The following CELA1 variants were observed in gnomAD, a reference collection of about 807,000 sequenced individuals.
CELA1 encodes the protein chymotrypsin-like elastase family member 1.
In CELA1, 28 loss-of-function variants were observed where a neutral mutation model predicts 34.8. The observed-to-expected ratio is 0.80, with a 90% CI of 0.60 to 1.10. The LOEUF is 1.10. CELA1 is among the 50% of genes least tolerant of loss of function. CELA1 has a pLI of 0.00. For missense variants in CELA1, 288 were observed against 327.5 expected, an observed-to-expected ratio of 0.88 and a Z score of 0.93; for synonymous variants, 140 against 129.8, an observed-to-expected ratio of 1.08 and a Z score of -0.53.
chr12:51,340,462 T>C (rs1405343367), intron 5 of CELA1, among the ~76,000 whole-genome samples: 1 of 149,074 alleles, frequency 6.7e-6, no homozygotes, highest in Admixed American at 6.8e-5. Flanking sequence ...CAATCTCGGC[T>C]CACCACAACC....
chr12:51,339,857 C>G lies in CELA1; in HGVS notation c.609+3G>C. Reference sequence around the variant, plus strand: ...TGGGGTGGGACCCCCTGCAAATGTTCACCTGGCATCCAGAGCGAACTCCAT... The same window carrying G: ...TGGGGTGGGACCCCCTGCAAATGTTGACCTGGCATCCAGAGCGAACTCCAT... On this transcript the variant is annotated splice_donor_region_variant and intron_variant, in intron 6 of 7. Transcript: ENST00000293636. 6.2e-7 allele frequency: 1 copy of G among 1,607,184 alleles called. No homozygotes were observed. Among genetic ancestry groups the G allele is most frequent in the Non-Finnish European group, 8.5e-7 (1 of 1,176,824 alleles).
intron 2 of CELA1, among the ~76,000 whole-genome samples, chr12:51,345,437 GACAC>G (rs755221223): frequency 1.3e-5 from 2 of 152,240 alleles, no homozygotes; most frequent in Non-Finnish European, 2.9e-5. Flanking sequence ...CAAGCATTGT[GACAC>G]ACACAGTGTG....
At chr12:51,341,155 GCA>G in intron 5 of CELA1, 87 bp downstream of exon 5, 1 of 1,396,664 alleles carries the variant, frequency 7.2e-7, no homozygotes, top group South Asian at 1.2e-5. Flanking sequence ...CTGGCCATAA[GCA>G]CCTAGGACCA....
In CELA1 at chr12:51,328,483, A is replaced by G. The variant is rs1354719464; in HGVS notation, c.*94T>C. On this transcript the variant is annotated 3_prime_UTR_variant, in exon 8 of 8. Coordinates refer to ENST00000293636, the MANE Select transcript of CELA1 (RefSeq NM_001971.6). ...TTATTTGCTTTTCTATCAATGGCTC[A>G]ATAGTCTTTCAGAATGTGTTTTACT... is the stretch of plus-strand genomic sequence containing the variant. 1 of 1,283,976 alleles carries G rather than the reference A, an allele frequency of 7.8e-7. No individual in the cohort carries two copies. The highest frequency in any genetic ancestry group is 1.1e-6 in the Non-Finnish European group (1 of 881,428). The allele number at this position is 1,283,976 out of a possible 1,614,324, so 79.5% of individuals were successfully genotyped here.
At position 51,343,759 on chromosome 12, in the gene CELA1, A is replaced by T; in HGVS notation, c.194T>A (p.Val65Glu). Residue 65 changes from valine to glutamate, a missense_variant, in exon 3 of 8, where the codon GTG becomes GAG. Physicochemically the swap from Val to Glu is moderately radical, Grantham distance 121. Coordinates refer to ENST00000293636, the MANE Select transcript of CELA1 (RefSeq NM_001971.6). ...QNWVMTAAHC[V>E]DYQKTFRVVA... ...TTGTCTTTGTTTTTCTTACTAATCC[A>T]CGCAGTGAGCAGCTGTCATCACCCA... The T allele has an allele frequency of 6.3e-7, 1 of 1,585,584 alleles. No homozygotes were observed. Among genetic ancestry groups the T allele is most frequent in the African/African-American group, 1.3e-5 (1 of 74,600 alleles).
chr12:51,328,563 A>ACT lies in CELA1; in HGVS notation c.*12_*13dup. 6.2e-7 allele frequency: 1 copy of ACT among 1,614,140 alleles called. No homozygotes were observed. Among genetic ancestry groups the ACT allele is most frequent in the South Asian group, 1.1e-5 (1 of 91,086 alleles). On this transcript the variant is annotated 3_prime_UTR_variant, in exon 8 of 8. Coordinates refer to ENST00000293636, the MANE Select transcript of CELA1 (RefSeq NM_001971.6). ...AGAACCATTTTGGGAAGGTCGTTGG[A>ACT]CTCAGGAAAATGTTCAGTTGGAGGC...
At chr12:51,332,018 T>A (rs1946472845) in intron 6 of CELA1, among the ~76,000 whole-genome samples, 1 of 151,738 alleles carries the variant, frequency 6.6e-6, no homozygotes, top group Non-Finnish European at 1.5e-5. Flanking sequence ...CCCCCATCTC[T>A]ATTAAAATTT....
At chr12:51,345,598 G>C (rs1480678943) in intron 2 of CELA1, among the ~76,000 whole-genome samples, 197 bp downstream of exon 2, 5 of 152,184 alleles carry the variant, frequency 3.3e-5, no homozygotes, top group African/African-American at 7.2e-5. Context: ...ACTGTGGTTG[G>C]TGTATAAATC....
intron 4 of CELA1, among the ~76,000 whole-genome samples, chr12:51,342,354 G>A (rs1378656099): frequency 1.3e-5 from 2 of 152,194 alleles, no homozygotes; most frequent in African/African-American, 2.4e-5. Flanking sequence ...AATTCTCAAA[G>A]TCCTCCTGGA....
intron 6 of CELA1, among the ~76,000 whole-genome samples, chr12:51,334,320 C>T (rs1399825236): frequency 6.6e-6 from 1 of 152,116 alleles, no homozygotes; most frequent in Non-Finnish European, 1.5e-5. Flanking sequence ...ATGTAGAGTC[C>T]CTGGGATACA....
chr12:51,337,927 T>C (rs966132658), intron 6 of CELA1, among the ~76,000 whole-genome samples: 1 of 149,890 alleles, frequency 6.7e-6, no homozygotes, highest in Non-Finnish European at 1.5e-5. Flanking sequence ...AAAACAAATA[T>C]ATATATATAT....
intron 6 of CELA1, among the ~76,000 whole-genome samples, chr12:51,336,611 A>AG (rs1946500979): frequency 6.6e-6 from 1 of 152,176 alleles, no homozygotes; most frequent in Non-Finnish European, 1.5e-5. Flanking sequence ...TGGGTGAGAG[A>AG]GGGAGACTCC....
intron 6 of CELA1, among the ~76,000 whole-genome samples, chr12:51,330,052 C>T (rs1946461011): frequency 6.6e-6 from 1 of 152,084 alleles, no homozygotes; most frequent in South Asian, 2.1e-4. Context: ...CATGTTCTGC[C>T]TTGTATTTTG....
chr12:51,333,585 G>T (rs1432215851), intron 6 of CELA1, among the ~76,000 whole-genome samples: 1 of 151,668 alleles, frequency 6.6e-6, no homozygotes, highest in Non-Finnish European at 1.5e-5. Context: ...CAGAGACAGG[G>T]TCTCCCTATG....
chr12:51,338,567 T>G (rs1429888970), intron 6 of CELA1, among the ~76,000 whole-genome samples: 2 of 152,108 alleles, frequency 1.3e-5, no homozygotes, highest in African/African-American at 4.8e-5. Context: ...CACTACAAAT[T>G]CTAGTTTCTT....
At chr12:51,337,807 G>T (rs1405477927) in intron 6 of CELA1, among the ~76,000 whole-genome samples, 1 of 151,586 alleles carries the variant, frequency 6.6e-6, no homozygotes, top group Non-Finnish European at 1.5e-5. Flanking sequence ...CTACTAGGGA[G>T]GCTGAGGTGG....
intron 4 of CELA1, among the ~76,000 whole-genome samples, chr12:51,342,160 G>A (rs1452832676): frequency 1.3e-5 from 2 of 151,896 alleles, no homozygotes; most frequent in East Asian, 3.9e-4. Flanking sequence ...CTGTAATCAA[G>A]CGATTACAGG....
intron 4 of CELA1, among the ~76,000 whole-genome samples, chr12:51,341,590 G>A (rs1319960041): frequency 6.6e-6 from 1 of 152,130 alleles, no homozygotes; most frequent in African/African-American, 2.4e-5. Context: ...TCTGCTGGTG[G>A]GACATTGGTA....
In CELA1 at chr12:51,339,986, C is replaced by T. The variant is rs1168116255; in HGVS notation, c.483G>A (p.Gln161=). The change falls in exon 6 of 8, where the codon CAG becomes CAA. Residue 161 remains glutamine (Q), a synonymous_variant. Transcript: ENST00000293636. ...AGGGCAGGTAAGCCTGCTGCAGGGT[C>T]TGGGCCAGCTGCCCATTGGCTGAAC... ...GKTKTNGQLA[Q]TLQQAYLPSV... is the part of the protein sequence containing the mutation. 6.2e-7 allele frequency: 1 copy of T among 1,613,670 alleles called. No individual in the cohort carries two copies. The highest frequency in any genetic ancestry group is 8.5e-7 in the Non-Finnish European group (1 of 1,179,818).
Sources: allele counts gnomAD v4.1 joint callset (sites outside exome capture counted in the v4.1 genomes callset), GRCh38; gene constraint gnomAD v4.1.1; transcripts MANE v1.5; gene names NCBI Gene and HGNC (gene_info 2026-07-23, HGNC 2026-07-21).